Variants in TMEM156 observed in about 807,000 individuals in gnomAD.
TMEM156 encodes the protein transmembrane protein 156.
TMEM156 carries 28 observed loss-of-function variants against 30.5 expected under a neutral mutation model. The ratio of observed to expected loss-of-function variants is 0.92; its 90% CI spans 0.68 to 1.26. The LOEUF is 1.26. Among genes scored for constraint, TMEM156 ranks in the 50% most tolerant of loss-of-function variants. The probability of loss-of-function intolerance (pLI) is 0.00; values close to 1 mark genes in which losing one functional copy is unlikely to be tolerated. For synonymous variants in TMEM156, 137 were observed against 119.9 expected (o/e 1.14, Z -0.93); for missense variants, 351 against 340.6 (o/e 1.03, Z -0.24).
At chr4:39,030,098 T>C (rs1715429790) in intron 1 of TMEM156, among the ~76,000 whole-genome samples, 1 of 151,154 alleles carries the variant, frequency 6.6e-6, no homozygotes, top group Admixed American at 6.6e-5. Context: ...GTGCCTGTAG[T>C]CCCAGCTGCT....
At chr4:38,997,388 C>A (rs1713006049) in intron 2 of TMEM156, among the ~76,000 whole-genome samples, 1 of 152,218 alleles carries the variant, frequency 6.6e-6, no homozygotes, top group Non-Finnish European at 1.5e-5. Flanking sequence ...AAAATATATT[C>A]ATGTAACAAA....
At chr4:39,016,385 AGAAG>A (rs954949564) in intron 1 of TMEM156, among the ~76,000 whole-genome samples, 26 of 123,354 alleles carry the variant, frequency 2.1e-4, no homozygotes, top group African/African-American at 7.1e-4. Context: ...AAAAAAAAAA[AGAAG>A]AAGAAAGAAA....
chr4:38,986,479 T>A (rs1284365556), intron 4 of TMEM156, 60 bp from the exon 5 acceptor site: 8 of 1,253,820 alleles, frequency 6.4e-6, no homozygotes, highest in Non-Finnish European at 9.3e-6. Flanking sequence ...TTAACATATA[T>A]TCCCCATGTT....
At chr4:39,020,491 C>T (rs1026530714) in intron 1 of TMEM156, among the ~76,000 whole-genome samples, 1 of 152,172 alleles carries the variant, frequency 6.6e-6, no homozygotes, top group African/African-American at 2.4e-5. Flanking sequence ...CCAACTCAGC[C>T]TCCCAAGTAA....
chr4:39,007,168 C>A (rs1307444729), intron 1 of TMEM156, among the ~76,000 whole-genome samples: 2 of 152,100 alleles, frequency 1.3e-5, no homozygotes, highest in Non-Finnish European at 2.9e-5. Context: ...TCCATCTTTG[C>A]AAAGGTATCA....
chr4:38,969,804 G>T lies in TMEM156; in HGVS notation c.*38+1228C>A, dbSNP rs1490102382. On this transcript the variant is annotated intron_variant, in intron 6 of 6. Coordinates refer to ENST00000381938, the MANE Select transcript of TMEM156 (RefSeq NM_024943.3). ...GACAGGGTTTCACCATGTTGCTCAG[G>T]CTGGTCTCGAACCCCTGAGCTCCAG... is the stretch of plus-strand genomic sequence containing the variant. Among the ~76,000 whole-genome samples, 4 of 152,088 alleles carry T rather than the reference G, an allele frequency of 2.6e-5. No individual in the cohort carries two copies. In the East Asian group the frequency reaches 7.7e-4, roughly 29 times the overall value.
At chr4:38,990,830 G>GTTTCTTTT (rs1553878600) in intron 3 of TMEM156, among the ~76,000 whole-genome samples, 7 of 81,228 alleles carry the variant, frequency 8.6e-5, no homozygotes, top group Admixed American at 1.5e-4. Context: ...TTGTTTTCTG[G>GTTTCTTTT]TTTTTTTTTT....
At chr4:39,008,756 A>C (rs79032678) in intron 1 of TMEM156, among the ~76,000 whole-genome samples, 4 of 152,214 alleles carry the variant, frequency 2.6e-5, no homozygotes, top group African/African-American at 9.6e-5. Context: ...TCTAGGTTAC[A>C]ACAAAAGCAG....
intron 1 of TMEM156, among the ~76,000 whole-genome samples, chr4:39,031,896 AAT>A (rs1491028211): frequency 0.14 from 14,079 of 103,758 alleles, 1,808 homozygotes; most frequent in African/African-American, 0.23. Context: ...AAAAATAAAA[AAT>A]AAAAAAATAA....
chr4:39,018,858 T>C (rs1560384092), intron 1 of TMEM156, among the ~76,000 whole-genome samples: 2 of 151,882 alleles, frequency 1.3e-5, no homozygotes, highest in Non-Finnish European at 2.9e-5. Context: ...CCGTCTCTAC[T>C]AAAAATACAA....
At chr4:38,992,433 G>C (rs1425169454) in intron 3 of TMEM156, among the ~76,000 whole-genome samples, 2 of 151,836 alleles carry the variant, frequency 1.3e-5, no homozygotes, top group African/African-American at 4.8e-5. Flanking sequence ...TGGTATTTCA[G>C]AATAGGGTAA....
intron 3 of TMEM156, among the ~76,000 whole-genome samples, chr4:38,990,840 T>C (rs1370319927): frequency 3.0e-5 from 4 of 131,796 alleles, no homozygotes; most frequent in African/African-American, 1.1e-4. Context: ...GTTTTTTTTT[T>C]TTTTTTTTTT....
intron 2 of TMEM156, 152 bp from the exon 3 acceptor site, chr4:38,994,150 G>A: frequency 1.4e-6 from 1 of 727,152 alleles, no homozygotes; most frequent in Non-Finnish European, 2.2e-6. Flanking sequence ...TTTGAGACAG[G>A]GTCTCACTCC....
At chr4:38,986,589 ACGAAGTCAGGAGTT>A (rs1428359158) in intron 4 of TMEM156, among the ~76,000 whole-genome samples, 170 bp from the exon 5 acceptor site, 2 of 151,960 alleles carry the variant, frequency 1.3e-5, no homozygotes, top group Non-Finnish European at 2.9e-5. Context: ...CAGGGAGATC[ACGAAGTCAGGAGTT>A]CGAACCCAGC....
intron 5 of TMEM156, among the ~76,000 whole-genome samples, chr4:38,983,680 G>A (rs1158016329): frequency 6.6e-6 from 1 of 152,206 alleles, no homozygotes; most frequent in East Asian, 1.9e-4. Flanking sequence ...GATTACAGGC[G>A]TGGGCCACCA....
At chr4:39,017,549 C>T (rs1237478598) in intron 1 of TMEM156, among the ~76,000 whole-genome samples, 1 of 152,058 alleles carries the variant, frequency 6.6e-6, no homozygotes, top group Admixed American at 6.6e-5. Flanking sequence ...TAAATACATC[C>T]ATTAGATAAA....
In TMEM156 at chr4:39,014,039, T is replaced by C. The variant is rs541187781; in HGVS notation, c.89-15130A>G. On this transcript the variant is annotated intron_variant, in intron 1 of 6. Coordinates refer to ENST00000381938, the MANE Select transcript of TMEM156 (RefSeq NM_024943.3). ...CACAGAAAATGCATATAAAAATGAGTATGGCTGCATTCCAATAAAACTTTA... is the reference window on the plus strand; with the variant it reads ...CACAGAAAATGCATATAAAAATGAGCATGGCTGCATTCCAATAAAACTTTA... Among the ~76,000 whole-genome samples the C allele has an allele frequency of 8.5e-5, 13 of 152,244 alleles. 1 individual carries two copies. The South Asian group carries it at 2.7e-3, about 32-fold the overall frequency.
At chr4:39,002,308 G>T (rs1048190273) in intron 1 of TMEM156, among the ~76,000 whole-genome samples, 2 of 152,130 alleles carry the variant, frequency 1.3e-5, no homozygotes, top group African/African-American at 4.8e-5. Flanking sequence ...GGCCATCAGA[G>T]AAATGCAAAT....
intron 2 of TMEM156, among the ~76,000 whole-genome samples, chr4:38,996,469 G>A (rs1712945346): frequency 6.6e-6 from 1 of 152,026 alleles, no homozygotes; most frequent in Admixed American, 6.6e-5. Flanking sequence ...CTACTCAGGA[G>A]GCTGAGGCAG....
Sources: allele counts gnomAD v4.1 joint callset (sites outside exome capture counted in the v4.1 genomes callset), GRCh38; gene constraint gnomAD v4.1.1; transcripts MANE v1.5; gene names NCBI Gene and HGNC (gene_info 2026-07-23, HGNC 2026-07-21).